The following NTRK3 variants were observed in gnomAD, a reference collection of about 807,000 sequenced individuals.
NTRK3 encodes the protein NT-3 growth factor receptor.
In NTRK3, 24 loss-of-function variants were observed where a neutral mutation model predicts 91.7. The ratio of observed to expected loss-of-function variants is 0.26; its 90% CI spans 0.19 to 0.37. NTRK3 has a LOEUF of 0.37. NTRK3 is among the 10% of genes least tolerant of loss of function. The probability of loss-of-function intolerance (pLI) is 1.00; values close to 1 mark genes in which losing one functional copy is unlikely to be tolerated. For synonymous variants in NTRK3, 483 were observed against 404.0 expected (o/e 1.20, Z -2.34); for missense variants, 880 against 1,068.9 (o/e 0.82, Z 2.46).
intron 3 of NTRK3, among the ~76,000 whole-genome samples, chr15:88,230,198 G>C (rs1167670407): frequency 6.6e-6 from 1 of 152,116 alleles, no homozygotes; most frequent in East Asian, 1.9e-4. Flanking sequence ...AATGAAAAGT[G>C]CTCAGCACAT....
At chr15:87,917,832 T>A (rs1385030152) in intron 17 of NTRK3, among the ~76,000 whole-genome samples, 1 of 152,120 alleles carries the variant, frequency 6.6e-6, no homozygotes, top group Non-Finnish European at 1.5e-5. Context: ...CTTCCTGAGG[T>A]CCTTACCAGA....
At chr15:88,194,822 T>TG (rs1345168355) in intron 3 of NTRK3, among the ~76,000 whole-genome samples, 2 of 152,196 alleles carry the variant, frequency 1.3e-5, no homozygotes, top group Non-Finnish European at 2.9e-5. Context: ...CCTCCTCAGC[T>TG]GAAACCTCCC....
At chr15:88,196,411 C>T (rs1032596077) in intron 3 of NTRK3, among the ~76,000 whole-genome samples, 8 of 143,464 alleles carry the variant, frequency 5.6e-5, no homozygotes, top group Non-Finnish European at 9.2e-5. Flanking sequence ...GAAGGGTGGG[C>T]TGGGATGGGG....
intron 13 of NTRK3, among the ~76,000 whole-genome samples, chr15:88,074,613 C>T (rs916810468): frequency 6.6e-6 from 1 of 152,132 alleles, no homozygotes; most frequent in Non-Finnish European, 1.5e-5. Flanking sequence ...TGGCTTGGGT[C>T]ACTCCCACCC....
chr15:88,130,730 G>A (rs920597223), intron 10 of NTRK3, among the ~76,000 whole-genome samples: 4 of 152,182 alleles, frequency 2.6e-5, no homozygotes, highest in African/African-American at 9.7e-5. Context: ...CCAAGATCAT[G>A]AAAGACAAAG....
chr15:88,220,593 C>T (rs1013138044), intron 3 of NTRK3, among the ~76,000 whole-genome samples: 2 of 152,154 alleles, frequency 1.3e-5, no homozygotes, highest in African/African-American at 2.4e-5. Flanking sequence ...GAGAAGAGGC[C>T]CAGCCCTGGA....
chr15:88,056,491 TC>T (rs2045708110), intron 13 of NTRK3, among the ~76,000 whole-genome samples: 1 of 152,184 alleles, frequency 6.6e-6, no homozygotes, highest in Non-Finnish European at 1.5e-5. Context: ...CTCGGGGCCT[TC>T]GTTTCACTTG....
At chr15:88,247,232 C>G (rs939326889) in intron 3 of NTRK3, among the ~76,000 whole-genome samples, 30 of 152,130 alleles carry the variant, frequency 2.0e-4, no homozygotes, top group African/African-American at 6.8e-4. Flanking sequence ...TCTAAGAGCT[C>G]CTTTCCCCGC....
At chr15:88,227,163 T>C (rs1318940263) in intron 3 of NTRK3, among the ~76,000 whole-genome samples, 3 of 152,174 alleles carry the variant, frequency 2.0e-5, no homozygotes, top group African/African-American at 4.8e-5. Flanking sequence ...CTCCATGCCC[T>C]GCATCCTCCC....
chr15:88,178,001 T>G (rs1473233683), intron 5 of NTRK3, among the ~76,000 whole-genome samples: 1 of 152,196 alleles, frequency 6.6e-6, no homozygotes, highest in African/African-American at 2.4e-5. Flanking sequence ...AGATCTAGGA[T>G]TTGAACCCTG....
intron 14 of NTRK3, among the ~76,000 whole-genome samples, chr15:87,944,729 A>C (rs966503975): frequency 5.9e-5 from 9 of 152,178 alleles, no homozygotes; most frequent in Non-Finnish European, 5.9e-5. Flanking sequence ...CATCTTCCCA[A>C]GGGCGAGGGC....
In NTRK3 at chr15:88,127,059, A is replaced by G. The variant is rs897150493; in HGVS notation, c.1293+103T>C. ...GTTCAATTCATTACTTTTTTTTTTCAAAGTTTCAAGTAAGATAATATTTGG... is the reference window on the plus strand; with the variant it reads ...GTTCAATTCATTACTTTTTTTTTTCGAAGTTTCAAGTAAGATAATATTTGG... On this transcript the variant is annotated intron_variant, in intron 12 of 18. Coordinates refer to ENST00000394480, the Ensembl canonical transcript of NTRK3. 4.8e-6 allele frequency: 5 copies of G among 1,042,494 alleles called. No individual in the cohort carries two copies. The Admixed American group carries it at 6.4e-5, about 13-fold the overall frequency. The allele number at this position is 1,042,494 out of a possible 1,614,324, so 64.6% of individuals were successfully genotyped here. A position where few individuals can be genotyped will look rare whatever the true frequency, so the allele number is the denominator to read the frequency against.
chr15:88,025,227 C>T (rs1036618411), intron 14 of NTRK3, among the ~76,000 whole-genome samples: 4 of 152,250 alleles, frequency 2.6e-5, no homozygotes, highest in African/African-American at 9.6e-5. Flanking sequence ...TGAAGCTAAA[C>T]ATATTCTTAC....
rs953606021 is a variant in NTRK3 at position 87,935,237 on chromosome 15, G to C, written c.1717-2053C>G. Among the ~76,000 whole-genome samples, 4 of 152,202 alleles carry C rather than the reference G, an allele frequency of 2.6e-5. No individual in the cohort carries two copies. In the East Asian group the frequency reaches 7.7e-4, roughly 29 times the overall value. Reference sequence around the variant, plus strand: ...GAGAGGGTCAGGAAAGGGGTGGGATGTTGGCTGCCAACAGAGTGGCTGAGC... The same window carrying C: ...GAGAGGGTCAGGAAAGGGGTGGGATCTTGGCTGCCAACAGAGTGGCTGAGC... On this transcript the variant is annotated intron_variant, in intron 15 of 18. Coordinates refer to ENST00000394480, the Ensembl canonical transcript of NTRK3.
At chr15:87,892,828 A>G (rs1465064045) in intron 17 of NTRK3, among the ~76,000 whole-genome samples, 2 of 152,220 alleles carry the variant, frequency 1.3e-5, no homozygotes, top group Non-Finnish European at 2.9e-5. Flanking sequence ...TCAGTGGGGT[A>G]ACTGCAATGA....
Position 87,896,098 on chromosome 15 carries a change from G to T in NTRK3, c.2134-15670C>A, listed in dbSNP as rs145094586. Among the ~76,000 whole-genome samples the T allele has an allele frequency of 2.5e-3, 374 of 152,226 alleles. 2 individuals are homozygous for T. Among genetic ancestry groups the T allele is most frequent in the African/African-American group, 8.6e-3 (359 of 41,522 alleles). On this transcript the variant is annotated intron_variant, in intron 17 of 18. Coordinates refer to ENST00000394480, the Ensembl canonical transcript of NTRK3. ...CCAAGAGGTACCCCGACCACATTGG[G>T]CACATGTTCTCAGGACCTCATGAGG... is the stretch of plus-strand genomic sequence containing the variant.
intron 17 of NTRK3, among the ~76,000 whole-genome samples, chr15:87,905,695 T>C (rs555515031): frequency 6.6e-6 from 1 of 152,246 alleles, no homozygotes; most frequent in South Asian, 2.1e-4. Flanking sequence ...AAAACCTTTG[T>C]TCAGTCTCAG....
At chr15:88,147,192 G>A (rs2042963511) in intron 6 of NTRK3, 143 bp downstream of exon 6, 2 of 743,674 alleles carry the variant, frequency 2.7e-6, no homozygotes, top group African/African-American at 3.5e-5. Context: ...ACTGAACATG[G>A]TACACTCTGT....
In NTRK3 at chr15:88,098,607, C is replaced by A. The variant is rs117766208; in HGVS notation, c.1396+27664G>T. The A allele has an allele frequency of 8.9e-3, 2,046 of 230,744 alleles. 16 individuals are homozygous for A. The highest frequency in any genetic ancestry group is 0.012 in the Non-Finnish European group (1,362 of 116,370). 14.3% of individuals were successfully genotyped at this position (230,744 alleles called of 1,614,324 possible). A position where few individuals can be genotyped will look rare whatever the true frequency, so the allele number is the denominator to read the frequency against. The stretch of plus-strand genomic sequence containing the variant: ...CAGAGGGCCCCAGATAGCGGGCCAG[C>A]TATGGCGAGGTTGGAGTGAGGCCTA... On this transcript the variant is annotated intron_variant, in intron 13 of 18. Coordinates refer to ENST00000394480, the Ensembl canonical transcript of NTRK3.
Sources: allele counts gnomAD v4.1 joint callset (sites outside exome capture counted in the v4.1 genomes callset), GRCh38; gene constraint gnomAD v4.1.1; transcripts MANE v1.5; gene names NCBI Gene and HGNC (gene_info 2026-07-23, HGNC 2026-07-21).